The following OTOGL variants were observed in gnomAD, a reference collection of about 807,000 sequenced individuals.
The protein encoded by OTOGL is otogelin like, also known as otogelin-like protein.
OTOGL carries 285 observed loss-of-function variants against 318.5 expected under a neutral mutation model. The ratio of observed to expected loss-of-function variants is 0.89; its 90% CI spans 0.81 to 0.99. OTOGL has a LOEUF of 0.99. Among genes scored for constraint, OTOGL ranks in the 50% least tolerant of loss-of-function variants. OTOGL has a pLI of 0.00. For synonymous variants in OTOGL, 987 were observed against 936.5 expected (o/e 1.05, Z -0.99); for missense variants, 2,899 against 2,845.6 (o/e 1.02, Z -0.43).
Position 80,320,519 on chromosome 12 carries a change from T to A in OTOGL, c.3900T>A (p.Asn1300Lys). Reference sequence around the variant, plus strand: ...TTAGCTTGGAGCTGTGGGAGGCGAATTCAGCCTTTCATCGGAGAGCAACAT... The same window carrying A: ...TTAGCTTGGAGCTGTGGGAGGCGAAATCAGCCTTTCATCGGAGAGCAACAT... ...DTLSLELWEA[N>K]SAFHRRATFF... The change falls in exon 34 of 59, where the codon AAT becomes AAA. Residue 1300 changes from asparagine (N) to lysine (K), a missense_variant. By Grantham distance (94) the Asn-to-Lys change is moderately conservative. Coordinates refer to ENST00000547103, the MANE Select transcript of OTOGL (RefSeq NM_001378609.3). 1.9e-6 allele frequency: 3 copies of A among 1,613,662 alleles called. No homozygotes were observed. The South Asian group carries it at 3.3e-5, about 18-fold the overall frequency.
At chr12:80,375,854 G>T (rs1891149516) in intron 57 of OTOGL, among the ~76,000 whole-genome samples, 1 of 152,074 alleles carries the variant, frequency 6.6e-6, no homozygotes, top group Non-Finnish European at 1.5e-5. Flanking sequence ...AGAACAGCCT[G>T]CACTCAACCA....
chr12:80,126,978 G>T (rs535176122), intron 1 of OTOGL, among the ~76,000 whole-genome samples: 1 of 152,112 alleles, frequency 6.6e-6, no homozygotes. Context: ...ACACTGATGG[G>T]TCTTGACTCT....
chr12:80,208,047 AGT>A (rs1348653477), intron 1 of OTOGL, among the ~76,000 whole-genome samples: 1 of 152,144 alleles, frequency 6.6e-6, no homozygotes. Context: ...ATTCAAAATG[AGT>A]GTGAATGTGT....
rs113420643 is a variant in OTOGL, at chr12:80,115,690, G to A, written c.-20+16085G>A. 3.0e-3 allele frequency among the ~76,000 whole-genome samples: 460 copies of A among 152,340 alleles called. 4 individuals are homozygous for A. Among genetic ancestry groups the A allele is most frequent in the African/African-American group, 0.01 (422 of 41,576 alleles). ...GGTGCTCTGTCCCAGGGAGATGGGA[G>A]TTTTATGTATAAACCCCTGACTGGG... On this transcript the variant is annotated intron_variant, in intron 1 of 58. Coordinates refer to ENST00000547103, the MANE Select transcript of OTOGL (RefSeq NM_001378609.3).
At chr12:80,127,697 C>T (rs868109082) in intron 1 of OTOGL, among the ~76,000 whole-genome samples, 2 of 152,204 alleles carry the variant, frequency 1.3e-5, no homozygotes, top group East Asian at 1.9e-4. Context: ...TAGATTTGGT[C>T]TTTTCACATA....
At chr12:80,268,336 A>T (rs191707523) in intron 22 of OTOGL, among the ~76,000 whole-genome samples, 1 of 135,112 alleles carries the variant, frequency 7.4e-6, no homozygotes, top group Non-Finnish European at 1.5e-5. Flanking sequence ...AGAGATAGGC[A>T]ATGTTGTTTT....
intron 1 of OTOGL, among the ~76,000 whole-genome samples, chr12:80,147,404 A>C (rs1196755484): frequency 5.3e-5 from 8 of 150,338 alleles, no homozygotes; most frequent in African/African-American, 2.0e-4. Context: ...GTTTGATTGC[A>C]CTGTGGTCTG....
intron 1 of OTOGL, among the ~76,000 whole-genome samples, chr12:80,205,641 C>G (rs1397016597): frequency 1.3e-5 from 2 of 152,182 alleles, no homozygotes; most frequent in Non-Finnish European, 2.9e-5. Context: ...ATTCTATTTG[C>G]TGGCTCAAAT....
intron 26 of OTOGL, among the ~76,000 whole-genome samples, chr12:80,293,219 A>T (rs57902222): frequency 0.18 from 27,945 of 152,160 alleles, 3,105 homozygotes; most frequent in African/African-American, 0.3. Flanking sequence ...CCGTATACTC[A>T]AAAGGTAAAT....
chr12:80,187,277 T>C (rs1282905519), intron 1 of OTOGL, among the ~76,000 whole-genome samples: 3 of 151,900 alleles, frequency 2.0e-5, no homozygotes, highest in South Asian at 2.1e-4. Context: ...TTTTTTTTTT[T>C]ATACCGATAC....
At chr12:80,168,412 G>A (rs184308012) in intron 1 of OTOGL, among the ~76,000 whole-genome samples, 48 of 152,250 alleles carry the variant, frequency 3.2e-4, no homozygotes, top group Middle Eastern at 3.4e-3. Flanking sequence ...CCAGGGTTAT[G>A]TCATATTTCA....
At chr12:80,215,459 G>A (rs758346666) in intron 4 of OTOGL, among the ~76,000 whole-genome samples, 5 of 151,936 alleles carry the variant, frequency 3.3e-5, no homozygotes, top group African/African-American at 1.2e-4. Flanking sequence ...GAGCCACCGC[G>A]CCCGGCCTGC....
chr12:80,293,725 T>C (rs1349437372), intron 26 of OTOGL, among the ~76,000 whole-genome samples: 4 of 152,052 alleles, frequency 2.6e-5, no homozygotes, highest in Admixed American at 6.6e-5. Flanking sequence ...CACCCTCAGA[T>C]CTTCCTGCAA....
intron 1 of OTOGL, chr12:80,132,925 A>T (rs1232722600): frequency 6.6e-6 from 1 of 152,240 alleles, no homozygotes; most frequent in Non-Finnish European, 1.5e-5. Context: ...CAGCAGGGAC[A>T]TGAGTTGGGA....
rs1165572088 is a variant in OTOGL at position 80,380,606 on chromosome 12, C to G, written c.*2558C>G. 1 of 151,972 alleles carries G rather than the reference C, an allele frequency of 6.6e-6. No individual in the cohort carries two copies. The highest frequency in any genetic ancestry group is 1.5e-5 in the Non-Finnish European group (1 of 67,954). 9.4% of individuals were successfully genotyped at this position (151,972 alleles called of 1,614,324 possible). On this transcript the variant is annotated 3_prime_UTR_variant, in exon 59 of 59. Transcript: ENST00000547103. ...CTCACCTACCAGACTGGTAAAAAAC[C>G]AGAAGTTTAATGATACTTTTATTTT...
In OTOGL at chr12:80,379,056, A is replaced by G. The variant is rs1446367315; in HGVS notation, c.*1008A>G. 5 of 152,482 alleles carry G rather than the reference A, an allele frequency of 3.3e-5. No homozygotes were observed. Among genetic ancestry groups the G allele is most frequent in the Non-Finnish European group, 5.9e-5 (4 of 67,926 alleles). 9.4% of individuals were successfully genotyped at this position (152,482 alleles called of 1,614,324 possible). A position where few individuals can be genotyped will look rare whatever the true frequency, so the allele number is the denominator to read the frequency against. On this transcript the variant is annotated 3_prime_UTR_variant, in exon 59 of 59. Coordinates refer to ENST00000547103, the MANE Select transcript of OTOGL (RefSeq NM_001378609.3). ...AATGCTGCTGCTTTGCCAATGAAGA[A>G]TGAAATAAATTTATCTGAATGTATC...
intron 1 of OTOGL, among the ~76,000 whole-genome samples, chr12:80,150,040 G>C (rs1204056674): frequency 6.6e-6 from 1 of 152,104 alleles, no homozygotes; most frequent in Non-Finnish European, 1.5e-5. Flanking sequence ...GGGAGCTGTA[G>C]ACCGGAGCTG....
chr12:80,144,789 C>T (rs893652531), intron 1 of OTOGL, among the ~76,000 whole-genome samples: 3 of 152,148 alleles, frequency 2.0e-5, no homozygotes, highest in Non-Finnish European at 2.9e-5. Context: ...TTTTGATTTG[C>T]ATTTCTCTGA....
At chr12:80,250,468 GT>G (rs1881439464) in intron 11 of OTOGL, among the ~76,000 whole-genome samples, 2 of 152,034 alleles carry the variant, frequency 1.3e-5, no homozygotes, top group African/African-American at 2.4e-5. Context: ...TAAAACCACC[GT>G]TAATGTAGGA....
Sources: gnomAD v4.1 joint callset for allele counts (sites outside exome capture counted in the v4.1 genomes callset) on GRCh38, gnomAD v4.1.1 for gene constraint, MANE v1.5 for transcripts, NCBI Gene and HGNC (gene_info 2026-07-23, HGNC 2026-07-21) for gene names.